Variants in TENM2 observed in about 807,000 individuals in gnomAD.
TENM2 encodes the protein teneurin-2.
TENM2 carries 52 observed loss-of-function variants against 245.2 expected under a neutral mutation model. The observed-to-expected ratio is 0.21, with a 90% CI of 0.17 to 0.27. The LOEUF is 0.27. TENM2 is among the 10% of genes least tolerant of loss of function. TENM2 has a pLI of 1.00. For synonymous variants in TENM2, 1,363 were observed against 1,438.9 expected (o/e 0.95, Z 1.19); for missense variants, 3,046 against 3,666.8 (o/e 0.83, Z 4.37).
intron 13 of TENM2, among the ~76,000 whole-genome samples, chr5:168,173,918 C>T (rs1035276928): frequency 4.6e-5 from 7 of 152,118 alleles, no homozygotes; most frequent in African/African-American, 1.4e-4. Context: ...ACGAAGGGAA[C>T]GGCAAATGCA....
chr5:167,714,082 C>A (rs1327423055), intron 2 of TENM2, among the ~76,000 whole-genome samples: 5 of 152,156 alleles, frequency 3.3e-5, no homozygotes, highest in African/African-American at 1.2e-4. Context: ...TGCCTTCTGA[C>A]TCAGGCTGTT....
At chr5:167,725,581 A>G (rs926776567) in intron 2 of TENM2, among the ~76,000 whole-genome samples, 1 of 152,054 alleles carries the variant, frequency 6.6e-6, no homozygotes, top group Non-Finnish European at 1.5e-5. Flanking sequence ...CTCACTGTCC[A>G]TCACACTCCC....
chr5:167,718,987 T>C (rs1043285475), intron 2 of TENM2, among the ~76,000 whole-genome samples: 1 of 152,176 alleles, frequency 6.6e-6, no homozygotes, highest in Non-Finnish European at 1.5e-5. Context: ...TTGTTTCTAG[T>C]TTTTATGTTT....
At chr5:167,202,854 A>C in the TENM2 span, among the ~76,000 whole-genome samples, 1 of 152,040 alleles carries the variant, frequency 6.6e-6, no homozygotes, top group African/African-American at 2.4e-5. Context: ...TTGCAGATCT[A>C]TGCTGGGAGA....
At chr5:167,230,868 G>A in the TENM2 span, among the ~76,000 whole-genome samples, 31,540 of 152,128 alleles carry the variant, frequency 0.21, 3,831 homozygotes, top group African/African-American at 0.33. Context: ...CCCAAATCTC[G>A]TCTTGAATTA....
intron 2 of TENM2, among the ~76,000 whole-genome samples, chr5:167,475,507 T>C (rs1767311785): frequency 6.6e-6 from 1 of 152,202 alleles, no homozygotes; most frequent in Admixed American, 6.5e-5. Flanking sequence ...CTTTAAGTTC[T>C]GGGATACATG....
chr5:167,128,044 T>C, the TENM2 span, among the ~76,000 whole-genome samples: 3 of 152,188 alleles, frequency 2.0e-5, no homozygotes, highest in Admixed American at 6.5e-5. Flanking sequence ...CAGTGTATGA[T>C]GCTGAGTACA....
In TENM2 at chr5:167,364,270, G is replaced by A. The variant is rs549656468; in HGVS notation, c.227-10928G>A. On this transcript the variant is annotated intron_variant, in intron 1 of 28. Coordinates refer to ENST00000518659, the Ensembl canonical transcript of TENM2. ...TGCTAAATAGACTGGTACAACATACGTATTGTAGTCCTTAGAGCACCACTA... is the reference window on the plus strand; with the variant it reads ...TGCTAAATAGACTGGTACAACATACATATTGTAGTCCTTAGAGCACCACTA... 3.9e-5 allele frequency among the ~76,000 whole-genome samples: 6 copies of A among 152,070 alleles called. No individual in the cohort carries two copies. In the East Asian group the frequency reaches 5.8e-4, roughly 15 times the overall value.
chr5:167,737,693 C>T (rs554229613), intron 2 of TENM2, among the ~76,000 whole-genome samples: 1 of 152,300 alleles, frequency 6.6e-6, no homozygotes, highest in South Asian at 2.1e-4. Context: ...GTCACGGCTA[C>T]AGGAATTCAG....
chr5:167,530,411 G>T (rs924009783), intron 2 of TENM2, among the ~76,000 whole-genome samples: 7 of 152,166 alleles, frequency 4.6e-5, no homozygotes, highest in African/African-American at 1.4e-4. Context: ...AGTTCTGTGT[G>T]TTAGGCCCTG....
intron 2 of TENM2, among the ~76,000 whole-genome samples, chr5:167,875,406 G>A (rs1773336501): frequency 6.6e-6 from 1 of 152,184 alleles, no homozygotes; most frequent in African/African-American, 2.4e-5. Flanking sequence ...AAAGTCGTAA[G>A]TGTTACTATG....
At chr5:167,285,370 A>G (rs2127709998) in intron 1 of TENM2, among the ~76,000 whole-genome samples, 1 of 152,274 alleles carries the variant, frequency 6.6e-6, no homozygotes, top group East Asian at 1.9e-4. Context: ...CTTGGTTAAA[A>G]CATCTTTGAA....
At chr5:167,764,689 TGTCCCA>T in intron 2 of TENM2, among the ~76,000 whole-genome samples, 1 of 152,300 alleles carries the variant, frequency 6.6e-6, no homozygotes, top group East Asian at 1.9e-4. Context: ...GACTCTTTAC[TGTCCCA>T]GTCTATCACC....
intron 13 of TENM2, among the ~76,000 whole-genome samples, chr5:168,183,466 A>C (rs1581564684): frequency 6.6e-6 from 1 of 152,128 alleles, no homozygotes; most frequent in East Asian, 1.9e-4. Flanking sequence ...ACTAACTCCC[A>C]AGGCAAAACC....
chr5:167,352,424 T>C lies in TENM2; in HGVS notation c.227-22774T>C, dbSNP rs558503535. Among the ~76,000 whole-genome samples the C allele has an allele frequency of 2.6e-5, 4 of 152,356 alleles. No homozygotes were observed. The South Asian group carries it at 8.3e-4, about 32-fold the overall frequency. ...TAAGCAGATAATTATTAAAAACTTA[T>C]GAGGAAGAATAAATTGAGTCTTTGA... On this transcript the variant is annotated intron_variant, in intron 1 of 28. Coordinates refer to ENST00000518659, the Ensembl canonical transcript of TENM2.
chr5:167,090,644 A>G, the TENM2 span, among the ~76,000 whole-genome samples: 2 of 152,198 alleles, frequency 1.3e-5, no homozygotes, highest in African/African-American at 4.8e-5. Context: ...TTGCTTAGTA[A>G]CTAATCATAC....
At chr5:167,347,391 A>G (rs1270231414) in intron 1 of TENM2, among the ~76,000 whole-genome samples, 4 of 152,202 alleles carry the variant, frequency 2.6e-5, no homozygotes, top group Non-Finnish European at 5.9e-5. Context: ...ACAAAGGAGA[A>G]GCCTAGAGAA....
At chr5:167,344,325 T>TATAG (rs1554136994) in intron 1 of TENM2, among the ~76,000 whole-genome samples, 69 of 143,528 alleles carry the variant, frequency 4.8e-4, no homozygotes, top group African/African-American at 1.6e-3. Flanking sequence ...TATATATATA[T>TATAG]ATATAGATAT....
Position 168,227,807 on chromosome 5 carries a change from T to C in TENM2, c.5285-88T>C. 3 of 866,012 alleles carry C rather than the reference T, an allele frequency of 3.5e-6. No individual in the cohort carries two copies. The South Asian group carries it at 5.8e-5, about 17-fold the overall frequency. 53.6% of individuals were successfully genotyped at this position (866,012 alleles called of 1,614,324 possible). On this transcript the variant is annotated intron_variant, in intron 24 of 28. Coordinates refer to ENST00000518659, the Ensembl canonical transcript of TENM2. ...GGCTGCAAAGTACCATGGAAACCTATTAAAAAAAAATAGGGGTTCTATTCT... is the reference window on the plus strand; with the variant it reads ...GGCTGCAAAGTACCATGGAAACCTACTAAAAAAAAATAGGGGTTCTATTCT...
Sources: allele counts gnomAD v4.1 joint callset (sites outside exome capture counted in the v4.1 genomes callset), GRCh38; gene constraint gnomAD v4.1.1; transcripts MANE v1.5; gene names NCBI Gene and HGNC (gene_info 2026-07-23, HGNC 2026-07-21).